PPP2R2D: variants seen among roughly 807,000 people sequenced by gnomAD.
PPP2R2D encodes serine/threonine-protein phosphatase 2A 55 kDa regulatory subunit B delta isoform.
In PPP2R2D, 9 loss-of-function variants were observed where a neutral mutation model predicts 31.1. The ratio of observed to expected loss-of-function variants is 0.29; its 90% CI spans 0.17 to 0.51. The LOEUF (loss-of-function observed/expected upper bound fraction) is 0.51, where lower values mean the gene tolerates loss of function less well. Among genes scored for constraint, PPP2R2D ranks in the 20% least tolerant of loss-of-function variants. PPP2R2D has a pLI of 0.98. For missense variants in PPP2R2D, 391 were observed against 465.6 expected (o/e 0.84, Z 1.48); for synonymous variants, 179 against 172.6 (o/e 1.04, Z -0.29).
At chr10:131,925,161 C>T (rs555020397) in intron 2 of PPP2R2D, among the ~76,000 whole-genome samples, 1 of 152,264 alleles carries the variant, frequency 6.6e-6, no homozygotes, top group Non-Finnish European at 1.5e-5. Context: ...TGCTTAACTG[C>T]CCCAGCTAGA....
intron 2 of PPP2R2D, among the ~76,000 whole-genome samples, chr10:131,932,541 C>G (rs1470510577): frequency 1.3e-5 from 2 of 150,736 alleles, no homozygotes; most frequent in African/African-American, 4.9e-5. Context: ...GTGGTGCACG[C>G]CTGTAATCCC....
chr10:131,903,786 C>T (rs2035539740), intron 2 of PPP2R2D, among the ~76,000 whole-genome samples: 1 of 152,220 alleles, frequency 6.6e-6, no homozygotes, highest in Admixed American at 6.5e-5. Context: ...TTTGTATTAA[C>T]ACCAGAGAGT....
intron 2 of PPP2R2D, among the ~76,000 whole-genome samples, chr10:131,910,685 G>A (rs1344168274): frequency 3.3e-5 from 5 of 152,244 alleles, no homozygotes; most frequent in East Asian, 1.9e-4. Flanking sequence ...TAAAATCCTC[G>A]GGCTCGTCAG....
chr10:131,947,872 T>C lies in PPP2R2D; in HGVS notation c.1082+81T>C. 1 of 1,540,492 alleles carries C rather than the reference T, an allele frequency of 6.5e-7. No individual in the cohort carries two copies. Among genetic ancestry groups the C allele is most frequent in the Non-Finnish European group, 8.8e-7 (1 of 1,131,592 alleles). ...CAAGGTCAGTGAGGGAGGCGAGCTG[T>C]CCTCCAGCGTCAGAGGAGGACGCTC... On this transcript the variant is annotated intron_variant, in intron 8 of 8. Transcript: ENST00000455566. This position sits in a 1 kb window ranked among gnomAD's most constrained non-coding sequence, Gnocchi z 4.3.
At chr10:131,941,499 C>A (rs1223824895) in intron 5 of PPP2R2D, among the ~76,000 whole-genome samples, 3 of 151,108 alleles carry the variant, frequency 2.0e-5, no homozygotes, top group Non-Finnish European at 2.9e-5. Context: ...AAGGGGGTGC[C>A]GTTACTAGAT....
downstream of PPP2R2D, among the ~76,000 whole-genome samples, chr10:131,961,993 C>G (rs2036926698): frequency 6.6e-6 from 1 of 152,200 alleles, no homozygotes; most frequent in Non-Finnish European, 1.5e-5. Context: ...AAGTGAGAGC[C>G]CAGCAAGGCA....
chr10:131,918,800 C>G (rs1350252144), intron 2 of PPP2R2D, among the ~76,000 whole-genome samples: 1 of 134,374 alleles, frequency 7.4e-6, no homozygotes, highest in East Asian at 2.4e-4. Flanking sequence ...GGACCTCACG[C>G]GGGTGGAATG....
Position 131,959,502 on chromosome 10 carries a change from T to G in PPP2R2D, c.*3539T>G. On this transcript the variant is annotated 3_prime_UTR_variant, in exon 9 of 9. Coordinates refer to ENST00000455566, the MANE Select transcript of PPP2R2D (RefSeq NM_018461.5). The stretch of plus-strand genomic sequence containing the variant: ...GATGAAGGTGTGTGTTGATCCCCCA[T>G]CCCCCTGTGGAGGTGAAGGTGTGTG... 2 of 160,174 alleles carry G rather than the reference T, an allele frequency of 1.2e-5. 1 individual carries two copies. Among genetic ancestry groups the G allele is most frequent in the African/African-American group, 4.9e-5 (2 of 41,108 alleles). The allele number at this position is 160,174 out of a possible 1,614,324, so 9.9% of individuals were successfully genotyped here.
intron 2 of PPP2R2D, among the ~76,000 whole-genome samples, chr10:131,926,492 C>A (rs1470446225): frequency 1.3e-5 from 2 of 152,274 alleles, no homozygotes; most frequent in East Asian, 3.9e-4. Context: ...GCCTGGACAA[C>A]ATAGTGAGAC....
intron 2 of PPP2R2D, among the ~76,000 whole-genome samples, chr10:131,904,367 G>A (rs1201322820): frequency 2.6e-5 from 4 of 152,090 alleles, no homozygotes; most frequent in South Asian, 2.1e-4. Flanking sequence ...AAAATTAGCC[G>A]GGTGTGATGG....
rs1180470938 is a variant in PPP2R2D, at chr10:131,959,147, G to C, written c.*3184G>C. The stretch of plus-strand genomic sequence containing the variant: ...TGATCCCCCATCCCCCTGTGGAGAT[G>C]AAGGTGTGTGCTGATCCCCGGTCCC... On this transcript the variant is annotated 3_prime_UTR_variant, in exon 9 of 9. Transcript: ENST00000455566. 7.1e-6 allele frequency: 1 copy of C among 141,718 alleles called. No homozygotes were observed. Among genetic ancestry groups the C allele is most frequent in the Non-Finnish European group, 1.4e-5 (1 of 72,996 alleles). The allele number at this position is 141,718 out of a possible 1,614,324, so 8.8% of individuals were successfully genotyped here. A position where few individuals can be genotyped will look rare whatever the true frequency, so the allele number is the denominator to read the frequency against.
At chr10:131,925,307 G>C (rs980520637) in intron 2 of PPP2R2D, among the ~76,000 whole-genome samples, 2 of 152,164 alleles carry the variant, frequency 1.3e-5, no homozygotes, top group Non-Finnish European at 1.5e-5. Flanking sequence ...TTGTCAAGTT[G>C]AGGAAGTTGC....
chr10:131,904,250 G>A (rs894707778), intron 2 of PPP2R2D, among the ~76,000 whole-genome samples: 3 of 142,584 alleles, frequency 2.1e-5, no homozygotes, highest in Non-Finnish European at 4.5e-5. Flanking sequence ...AGTGGCTCAC[G>A]CTTGTAATCC....
chr10:131,951,513 GGTTTT>G lies in PPP2R2D; in HGVS notation c.1082+3728_1082+3732del, dbSNP rs1364197925. 5.3e-5 allele frequency among the ~76,000 whole-genome samples: 8 copies of G among 152,302 alleles called. No individual in the cohort carries two copies. In the East Asian group the frequency reaches 1.2e-3, roughly 22 times the overall value. ...ACAACATGTTTAAGACATACAAGACGGTTTTGTTTTAAGAATCTGTAACTATTGGC... is the reference window on the plus strand; with the variant it reads ...ACAACATGTTTAAGACATACAAGACGGTTTTAAGAATCTGTAACTATTGGC... On this transcript the variant is annotated intron_variant, in intron 8 of 8. Coordinates refer to ENST00000455566, the MANE Select transcript of PPP2R2D (RefSeq NM_018461.5).
At chr10:131,949,497 T>G (rs1237300261) in intron 8 of PPP2R2D, among the ~76,000 whole-genome samples, 1 of 150,902 alleles carries the variant, frequency 6.6e-6, no homozygotes, top group Non-Finnish European at 1.5e-5. Flanking sequence ...AGCTCACAGG[T>G]GAAAATTACC....
intron 8 of PPP2R2D, among the ~76,000 whole-genome samples, chr10:131,954,883 G>A (rs1265954872): frequency 6.6e-6 from 1 of 152,220 alleles, no homozygotes; most frequent in African/African-American, 2.4e-5. Flanking sequence ...GAAACCAGAA[G>A]GGCATTGTTT....
chr10:131,932,667 A>AAAAAAAAAAAAAAAAAC (rs1564817986), intron 2 of PPP2R2D, among the ~76,000 whole-genome samples: 2 of 133,152 alleles, frequency 1.5e-5, no homozygotes, highest in African/African-American at 6.9e-5. Context: ...AAAAAAAAAA[A>AAAAAAAAAAAAAAAAAC]ACACACAAAA....
chr10:131,960,966 T>C (rs112433372), downstream of PPP2R2D, among the ~76,000 whole-genome samples: 6 of 152,046 alleles, frequency 3.9e-5, no homozygotes, highest in African/African-American at 1.4e-4. Flanking sequence ...TGAGTGGGGC[T>C]GTAGCCGCAT....
At chr10:131,927,880 TGTGAACGTGCTGTGAACATTCTCGTAA>T (rs1432370050) in intron 2 of PPP2R2D, among the ~76,000 whole-genome samples, 1 of 152,236 alleles carries the variant, frequency 6.6e-6, no homozygotes, top group African/African-American at 2.4e-5. Context: ...TTGATTCTTT[TGTGAACGTGCTGTGAACATTCTCGTAA>T]GTGGTTCAGT....
Sources: allele counts gnomAD v4.1 joint callset (sites outside exome capture counted in the v4.1 genomes callset), GRCh38; gene constraint gnomAD v4.1.1; non-coding constraint Gnocchi (gnomAD v3.1); transcripts MANE v1.5; gene names NCBI Gene and HGNC (gene_info 2026-07-23, HGNC 2026-07-21).